CYFIP1: variants seen among roughly 807,000 people sequenced by gnomAD.
The protein encoded by CYFIP1 is cytoplasmic FMR1-interacting protein 1.
Under a neutral mutation model 163.5 loss-of-function variants are expected in CYFIP1, and 58 were observed. The ratio of observed to expected loss-of-function variants is 0.35; its 90% CI spans 0.29 to 0.44. CYFIP1 has a LOEUF of 0.44. Ranked by LOEUF, CYFIP1 falls within the 20% of genes least tolerant of loss-of-function variation. The pLI, the probability that CYFIP1 is intolerant of heterozygous loss-of-function variation, is 1.00. For missense variants in CYFIP1, 1,338 were observed against 1,653.8 expected (o/e 0.81, Z 3.31); for synonymous variants, 663 against 660.7 (o/e 1.00, Z -0.05).
At position 22,969,432 on chromosome 15, in the gene CYFIP1, C is replaced by T. The variant is rs79456591; in HGVS notation, c.-7+10855G>A. Among the ~76,000 whole-genome samples, 474 of 152,306 alleles carry T rather than the reference C, an allele frequency of 3.1e-3. 4 individuals are homozygous for T. The highest frequency in any genetic ancestry group is 0.011 in the African/African-American group (446 of 41,568). Reference sequence around the variant, plus strand: ...GATGCACATCAGGCTTAAACCAACACGATGGTGAAAAACACATCCCTAATT... The same window carrying T: ...GATGCACATCAGGCTTAAACCAACATGATGGTGAAAAACACATCCCTAATT... On this transcript the variant is annotated intron_variant, in intron 1 of 30. Coordinates refer to ENST00000617928, the MANE Select transcript of CYFIP1 (RefSeq NM_014608.6).
intron 1 of CYFIP1, among the ~76,000 whole-genome samples, chr15:22,964,539 G>A (rs2062836572): frequency 6.6e-6 from 1 of 152,124 alleles, no homozygotes. Context: ...AGTTTCCCCT[G>A]CCCGGCAGCT....
intron 1 of CYFIP1, among the ~76,000 whole-genome samples, chr15:22,958,415 C>T (rs556747169): frequency 6.6e-6 from 1 of 152,334 alleles, no homozygotes; most frequent in South Asian, 2.1e-4. Context: ...ATTCCATCCT[C>T]AAAAGCGGCC....
intron 6 of CYFIP1, among the ~76,000 whole-genome samples, chr15:22,940,598 G>A (rs1252752519): frequency 3.9e-5 from 6 of 152,202 alleles, no homozygotes. Context: ...GCCTCGATCA[G>A]CTGCAGACCA....
At chr15:22,947,870 G>T in intron 1 of CYFIP1, 1 of 898,250 alleles carries the variant, frequency 1.1e-6, no homozygotes, top group Non-Finnish European at 1.3e-6. Context: ...CGCAGCTGGA[G>T]CAGAGGTGCA....
At chr15:22,927,483 CAAAAAAAAA>C (rs1188331935) in intron 12 of CYFIP1, among the ~76,000 whole-genome samples, 3 of 57,480 alleles carry the variant, frequency 5.2e-5, no homozygotes, top group Admixed American at 4.4e-4. Flanking sequence ...AACTCCGTCT[CAAAAAAAAA>C]AAAAAAAAAA....
intron 5 of CYFIP1, 95 bp downstream of exon 5, chr15:22,944,463 C>G: frequency 1.2e-6 from 1 of 807,666 alleles, no homozygotes; most frequent in South Asian, 1.6e-5. Context: ...TGCAGGCACT[C>G]TGTTCAGGGT....
intron 26 of CYFIP1, chr15:22,875,497 G>C: frequency 1.9e-6 from 1 of 534,340 alleles, no homozygotes; most frequent in South Asian, 2.5e-5. Flanking sequence ...ATGTGGCTTG[G>C]CACTTGAGGA....
At chr15:22,939,148 C>A in intron 8 of CYFIP1, 44 bp downstream of exon 8, 3 of 1,612,278 alleles carry the variant, frequency 1.9e-6, no homozygotes, top group Non-Finnish European at 2.5e-6. Context: ...AAGAGTAAGG[C>A]TGTCCCTCGG....
Position 22,912,284 on chromosome 15 carries a change from G to C in CYFIP1, c.1986-9C>G, listed in dbSNP as rs199763086. ...GGGAGTAGAGCACGTACCTGCAGAG[G>C]ACAGCAGCAGTGTGACCAGCAGCCT... is the stretch of plus-strand genomic sequence containing the variant. On this transcript the variant is annotated splice_polypyrimidine_tract_variant and intron_variant, in intron 17 of 30. Transcript: ENST00000617928. The C allele has an allele frequency of 6.2e-7, 1 of 1,602,702 alleles. No homozygotes were observed. Among genetic ancestry groups the C allele is most frequent in the East Asian group, 2.3e-5 (1 of 44,258 alleles).
chr15:22,947,447 G>C, intron 1 of CYFIP1, 156 bp from the exon 2 acceptor site: 1 of 1,020,908 alleles, frequency 9.8e-7, no homozygotes, highest in Non-Finnish European at 1.4e-6. Context: ...GGAGTTGCGT[G>C]TCTCTCTCAG....
intron 22 of CYFIP1, among the ~76,000 whole-genome samples, chr15:22,897,051 A>T (rs559160191): frequency 2.6e-5 from 4 of 152,188 alleles, no homozygotes; most frequent in African/African-American, 9.6e-5. Context: ...CATGTCTACT[A>T]AAAATACAAA....
At chr15:22,920,311 T>G (rs1041620114) in intron 13 of CYFIP1, among the ~76,000 whole-genome samples, 3 of 151,928 alleles carry the variant, frequency 2.0e-5, no homozygotes, top group African/African-American at 7.3e-5. Flanking sequence ...TCTATAAGCA[T>G]GCACTACCAT....
chr15:22,957,596 A>C (rs1376710854), intron 1 of CYFIP1, among the ~76,000 whole-genome samples: 4 of 152,200 alleles, frequency 2.6e-5, no homozygotes, highest in Non-Finnish European at 5.9e-5. Context: ...AGATCGTGTC[A>C]CTGCACTCCA....
At chr15:22,918,651 A>G (rs1207582521) in intron 14 of CYFIP1, 41 bp downstream of exon 14, 5 of 1,493,910 alleles carry the variant, frequency 3.3e-6, no homozygotes, top group Non-Finnish European at 4.5e-6. Flanking sequence ...TCATCCGAGG[A>G]CGTGTGGGCA....
intron 1 of CYFIP1, among the ~76,000 whole-genome samples, chr15:22,974,546 G>A (rs535147498): frequency 4.3e-5 from 6 of 140,696 alleles, no homozygotes; most frequent in East Asian, 2.2e-4. Flanking sequence ...TGGCCAACAC[G>A]GTGAAACCCC....
rs189872006 is a variant in CYFIP1 at position 22,921,325 on chromosome 15, G to A, written c.1360-2467C>T. Among the ~76,000 whole-genome samples, 120 of 151,814 alleles carry A rather than the reference G, an allele frequency of 7.9e-4. 1 individual carries two copies. The highest frequency in any genetic ancestry group is 2.6e-3 in the African/African-American group (107 of 41,378). ...GGAGGTTGCAGTGAGCTGAGATGGC[G>A]TCACTACACTCCAGCCTAGGTGACA... On this transcript the variant is annotated intron_variant, in intron 13 of 30. Transcript: ENST00000617928.
intron 1 of CYFIP1, among the ~76,000 whole-genome samples, chr15:22,978,395 G>C (rs1182416019): frequency 1.4e-5 from 2 of 140,168 alleles, no homozygotes; most frequent in Non-Finnish European, 3.0e-5. Context: ...AATACTATAC[G>C]GTTATTTAAA....
chr15:22,963,105 T>G (rs924792702), intron 1 of CYFIP1, among the ~76,000 whole-genome samples: 1 of 152,186 alleles, frequency 6.6e-6, no homozygotes, highest in African/African-American at 2.4e-5. Flanking sequence ...TAGACACTGA[T>G]GTGTCTAGAG....
chr15:22,946,619 T>A (rs1442766338), intron 3 of CYFIP1: 1 of 350,282 alleles, frequency 2.9e-6, no homozygotes, highest in Non-Finnish European at 5.6e-6. Flanking sequence ...CCAGCCTGGG[T>A]GGCAGAGCAA....
Sources: allele counts gnomAD v4.1 joint callset (sites outside exome capture counted in the v4.1 genomes callset), GRCh38; gene constraint gnomAD v4.1.1; transcripts MANE v1.5; gene names NCBI Gene and HGNC (gene_info 2026-07-23, HGNC 2026-07-21).